GRID2: variants seen among roughly 807,000 people sequenced by gnomAD.
GRID2 encodes glutamate receptor ionotropic, delta-2.
In GRID2, 33 loss-of-function variants were observed where a neutral mutation model predicts 114.8. The ratio of observed to expected loss-of-function variants is 0.29; its 90% CI spans 0.22 to 0.38. GRID2 has a LOEUF of 0.38. GRID2 is among the 10% of genes least tolerant of loss of function. GRID2 has a pLI of 1.00. For synonymous variants in GRID2, 505 were observed against 449.9 expected, an observed-to-expected ratio of 1.12 and a Z score of -1.55; for missense variants, 1,184 against 1,257.7, an observed-to-expected ratio of 0.94 and a Z score of 0.89.
chr4:93,185,362 A>G (rs943573311), intron 4 of GRID2, among the ~76,000 whole-genome samples: 1 of 152,172 alleles, frequency 6.6e-6, no homozygotes, highest in Non-Finnish European at 1.5e-5. Flanking sequence ...TGGGAATGTC[A>G]TTGATCCAAA....
At chr4:92,630,963 GA>G (rs1730777768) in intron 2 of GRID2, among the ~76,000 whole-genome samples, 1 of 151,280 alleles carries the variant, frequency 6.6e-6, no homozygotes, top group Admixed American at 6.6e-5. Context: ...CATATTCCAG[GA>G]AGGAACTATT....
intron 14 of GRID2, among the ~76,000 whole-genome samples, chr4:93,765,459 G>A (rs562649753): frequency 7.2e-5 from 11 of 152,066 alleles, no homozygotes; most frequent in Non-Finnish European, 1.3e-4. Context: ...TGGCATATTC[G>A]TACTTGAAGC....
intron 13 of GRID2, among the ~76,000 whole-genome samples, chr4:93,607,691 C>T (rs1195735973): frequency 6.6e-6 from 1 of 152,092 alleles, no homozygotes; most frequent in Non-Finnish European, 1.5e-5. Context: ...TCTCCACCAG[C>T]AATAGATATT....
chr4:92,675,911 G>C (rs1733334385), intron 2 of GRID2, among the ~76,000 whole-genome samples: 1 of 151,916 alleles, frequency 6.6e-6, no homozygotes, highest in Non-Finnish European at 1.5e-5. Context: ...AAGCCAAGCT[G>C]AAGTGGAGGT....
chr4:92,417,306 A>G (rs552651755), intron 1 of GRID2, among the ~76,000 whole-genome samples: 16 of 152,152 alleles, frequency 1.1e-4, no homozygotes, highest in African/African-American at 3.1e-4. Context: ...TGAAAATAAA[A>G]TGAGAGCAAA....
intron 10 of GRID2, among the ~76,000 whole-genome samples, chr4:93,441,985 A>G (rs968886695): frequency 1.3e-5 from 2 of 151,968 alleles, no homozygotes; most frequent in African/African-American, 2.4e-5. Flanking sequence ...TACTCATTTT[A>G]TATTTCATTT....
chr4:93,069,142 C>G (rs1056443870), intron 2 of GRID2, among the ~76,000 whole-genome samples: 1 of 151,890 alleles, frequency 6.6e-6, no homozygotes, highest in Non-Finnish European at 1.5e-5. Flanking sequence ...CCAATCACCT[C>G]TCACAAGACA....
chr4:93,019,823 T>C (rs1376030516), intron 2 of GRID2, among the ~76,000 whole-genome samples: 1 of 152,166 alleles, frequency 6.6e-6, no homozygotes, highest in Non-Finnish European at 1.5e-5. Flanking sequence ...GGGTAACACA[T>C]TGTATGATCG....
At chr4:92,772,346 A>C (rs1738583307) in intron 2 of GRID2, among the ~76,000 whole-genome samples, 1 of 152,022 alleles carries the variant, frequency 6.6e-6, no homozygotes, top group Non-Finnish European at 1.5e-5. Context: ...TCATTTACAT[A>C]CCTTCTTACC....
chr4:92,315,348 G>A (rs1560563207), intron 1 of GRID2, among the ~76,000 whole-genome samples: 1 of 152,142 alleles, frequency 6.6e-6, no homozygotes, highest in Non-Finnish European at 1.5e-5. Flanking sequence ...CAATGAGAGG[G>A]TAGGAGTCTT....
At chr4:92,309,519 A>G (rs894738213) in intron 1 of GRID2, among the ~76,000 whole-genome samples, 2 of 146,618 alleles carry the variant, frequency 1.4e-5, no homozygotes, top group African/African-American at 5.0e-5. Flanking sequence ...TCTGAGCTGT[A>G]TTTTTTTTTT....
At chr4:92,308,441 G>A (rs1375279672) in intron 1 of GRID2, among the ~76,000 whole-genome samples, 1 of 152,036 alleles carries the variant, frequency 6.6e-6, no homozygotes, top group African/African-American at 2.4e-5. Flanking sequence ...ATGTCAACAT[G>A]GAGTAGAAAA....
intron 11 of GRID2, among the ~76,000 whole-genome samples, chr4:93,458,031 C>T (rs1723371284): frequency 6.6e-6 from 1 of 152,074 alleles, no homozygotes; most frequent in Non-Finnish European, 1.5e-5. Flanking sequence ...TGAGATCACA[C>T]AGAGTAGTTG....
rs540214623 is a variant in GRID2, at chr4:93,140,449, C to T, written c.735+29496C>T. ...CTGGGATTACAGGCGTGAGCCACCG[C>T]GCCCGGCTGGAATCCGTGTCATTTT... On this transcript the variant is annotated intron_variant, in intron 4 of 15. Coordinates refer to ENST00000282020, the MANE Select transcript of GRID2 (RefSeq NM_001510.4). 4.6e-5 allele frequency among the ~76,000 whole-genome samples: 7 copies of T among 152,256 alleles called. No individual in the cohort carries two copies. In the East Asian group the frequency reaches 7.7e-4, roughly 17 times the overall value.
At chr4:93,299,806 T>G (rs1754682105) in intron 8 of GRID2, among the ~76,000 whole-genome samples, 1 of 152,174 alleles carries the variant, frequency 6.6e-6, no homozygotes, top group African/African-American at 2.4e-5. Context: ...ATTTAATTAT[T>G]TTATTCCTTT....
chr4:92,509,223 GA>G (rs1412756335), intron 1 of GRID2, among the ~76,000 whole-genome samples: 2 of 151,926 alleles, frequency 1.3e-5, no homozygotes, highest in South Asian at 2.1e-4. Context: ...CAAAACTTCA[GA>G]AAAAAACATA....
At chr4:93,563,149 T>A (rs1735080694) in intron 13 of GRID2, among the ~76,000 whole-genome samples, 1 of 152,074 alleles carries the variant, frequency 6.6e-6, no homozygotes, top group Non-Finnish European at 1.5e-5. Flanking sequence ...CACTGAATTA[T>A]TAAAAGCAAA....
chr4:92,831,777 T>C (rs1245628611), intron 2 of GRID2, among the ~76,000 whole-genome samples: 1 of 152,056 alleles, frequency 6.6e-6, no homozygotes, highest in Non-Finnish European at 1.5e-5. Context: ...GGAGGATCAC[T>C]TAAGCCATGG....
At chr4:92,984,056 A>ATCATCTGT (rs1361400907) in intron 2 of GRID2, among the ~76,000 whole-genome samples, 1 of 152,194 alleles carries the variant, frequency 6.6e-6, no homozygotes, top group Non-Finnish European at 1.5e-5. Context: ...CTTCAATTTG[A>ATCATCTGT]TCATCTGTGA....
Sources: gnomAD v4.1 joint callset for allele counts (sites outside exome capture counted in the v4.1 genomes callset) on GRCh38, gnomAD v4.1.1 for gene constraint, MANE v1.5 for transcripts, NCBI Gene and HGNC (gene_info 2026-07-23, HGNC 2026-07-21) for gene names.